Variants in RGS21 observed in about 807,000 individuals in gnomAD.
The protein encoded by RGS21 is regulator of G protein signaling 21, also known as regulator of G-protein signalling 21.
In RGS21, 19 loss-of-function variants were observed where a neutral mutation model predicts 18.7. The observed-to-expected ratio is 1.01, with a 90% CI of 0.71 to 1.49. The LOEUF is 1.49. Ranked by LOEUF, RGS21 falls within the 40% of genes most tolerant of loss-of-function variation. RGS21 has a pLI of 0.00. For missense variants in RGS21, 194 were observed against 176.8 expected (o/e 1.10, Z -0.55); for synonymous variants, 56 against 57.8 (o/e 0.97, Z 0.14).
At chr1:192,343,160 G>T in intron 2 of RGS21, 113 bp downstream of exon 2, 1 of 1,013,378 alleles carries the variant, frequency 9.9e-7, no homozygotes, top group Non-Finnish European at 1.6e-6. Flanking sequence ...TACGCTAATT[G>T]TTGTCTTCCT....
intron 4 of RGS21, among the ~76,000 whole-genome samples, chr1:192,359,214 T>G (rs1425685641): frequency 6.6e-6 from 1 of 152,090 alleles, no homozygotes; most frequent in Non-Finnish European, 1.5e-5. Context: ...CCAAAGGGTA[T>G]CCATACAAAC....
intron 1 of RGS21, among the ~76,000 whole-genome samples, chr1:192,326,643 A>G (rs1658572085): frequency 6.6e-6 from 1 of 152,170 alleles, no homozygotes; most frequent in Non-Finnish European, 1.5e-5. Flanking sequence ...CAGTTTTAGA[A>G]TATGGAAATG....
intron 1 of RGS21, among the ~76,000 whole-genome samples, chr1:192,328,548 G>T (rs1280854214): frequency 1.3e-5 from 2 of 152,048 alleles, no homozygotes; most frequent in Non-Finnish European, 2.9e-5. Context: ...AATCAAAATG[G>T]CAAAGACTTT....
At chr1:192,328,059 T>C (rs1423456255) in intron 1 of RGS21, among the ~76,000 whole-genome samples, 2 of 152,136 alleles carry the variant, frequency 1.3e-5, no homozygotes, top group Non-Finnish European at 2.9e-5. Context: ...TAATTGGCAA[T>C]GTGAACAATA....
intron 1 of RGS21, among the ~76,000 whole-genome samples, chr1:192,321,926 A>AAC (rs1241376725): frequency 6.6e-6 from 1 of 152,090 alleles, no homozygotes; most frequent in Non-Finnish European, 1.5e-5. Context: ...AATTTTCCCC[A>AAC]ACACACACAC....
chr1:192,336,011 T>A (rs1658760890), intron 1 of RGS21, among the ~76,000 whole-genome samples: 1 of 152,248 alleles, frequency 6.6e-6, no homozygotes, highest in Non-Finnish European at 1.5e-5. Flanking sequence ...TTTGTTGTAA[T>A]AGCATCCAGA....
intron 1 of RGS21, among the ~76,000 whole-genome samples, chr1:192,342,762 G>C (rs1207353769): frequency 6.6e-6 from 1 of 151,850 alleles, no homozygotes; most frequent in Admixed American, 6.6e-5. Flanking sequence ...CTTTCAGATG[G>C]AATTTATTTC....
At chr1:192,333,399 A>G (rs1658689929) in intron 1 of RGS21, among the ~76,000 whole-genome samples, 1 of 152,028 alleles carries the variant, frequency 6.6e-6, no homozygotes, top group Admixed American at 6.6e-5. Flanking sequence ...TAGCAGCTCT[A>G]TGTGTCATAG....
chr1:192,358,245 T>C (rs1252166875), intron 4 of RGS21, among the ~76,000 whole-genome samples: 1 of 151,976 alleles, frequency 6.6e-6, no homozygotes, highest in African/African-American at 2.4e-5. Flanking sequence ...TTCTCTCATT[T>C]CTCTTTCCCA....
chr1:192,326,973 G>C (rs759404546), intron 1 of RGS21, among the ~76,000 whole-genome samples: 3 of 152,104 alleles, frequency 2.0e-5, no homozygotes, highest in Non-Finnish European at 4.4e-5. Flanking sequence ...CTGTTTTAGA[G>C]TATTGTCAAG....
At chr1:192,352,810 C>T (rs977100946) in intron 4 of RGS21, among the ~76,000 whole-genome samples, 1 of 151,906 alleles carries the variant, frequency 6.6e-6, no homozygotes, top group Non-Finnish European at 1.5e-5. Context: ...CTGTTAATAG[C>T]GCTCCAAACG....
At chr1:192,330,339 G>A (rs1658628925) in intron 1 of RGS21, among the ~76,000 whole-genome samples, 3 of 152,164 alleles carry the variant, frequency 2.0e-5, no homozygotes, top group African/African-American at 2.4e-5. Context: ...CAATTCCAGA[G>A]GGAGTTTGAA....
rs561277804 is a variant in RGS21 at position 192,331,806 on chromosome 1, C to CT, written c.-60-11170dup. Reference sequence around the variant, plus strand: ...TTTTAAAATTTAGACACAAGGGTCTCTACTTTTGTTAAAAGATTGAAAATG... The same window carrying CT: ...TTTTAAAATTTAGACACAAGGGTCTCTTACTTTTGTTAAAAGATTGAAAATG... On this transcript the variant is annotated intron_variant, in intron 1 of 4. Transcript: ENST00000417209. Among the ~76,000 whole-genome samples, 179 of 151,948 alleles carry CT rather than the reference C, an allele frequency of 1.2e-3. 1 individual carries two copies. In the Middle Eastern group the frequency reaches 0.024, roughly 20 times the overall value.
At chr1:192,334,915 A>C (rs1295217810) in intron 1 of RGS21, among the ~76,000 whole-genome samples, 1 of 152,118 alleles carries the variant, frequency 6.6e-6, no homozygotes, top group Non-Finnish European at 1.5e-5. Flanking sequence ...TGTCATTACA[A>C]AGCTTGAAAG....
intron 1 of RGS21, among the ~76,000 whole-genome samples, chr1:192,338,662 C>G (rs1357904874): frequency 1.3e-5 from 2 of 151,998 alleles, no homozygotes; most frequent in Admixed American, 6.6e-5. Context: ...AGTCTGTGAA[C>G]AGTGTTTTTA....
chr1:192,333,226 T>G (rs1571452019), intron 1 of RGS21, among the ~76,000 whole-genome samples: 1 of 151,322 alleles, frequency 6.6e-6, no homozygotes, highest in East Asian at 1.9e-4. Context: ...GCAGGTAGCA[T>G]ATAAAGTGAT....
intron 1 of RGS21, among the ~76,000 whole-genome samples, chr1:192,336,369 C>T (rs529155585): frequency 1.4e-4 from 21 of 152,278 alleles, no homozygotes; most frequent in Admixed American, 1.2e-3. Flanking sequence ...GCCGGAGAAT[C>T]GCTTGAACCA....
intron 3 of RGS21, among the ~76,000 whole-genome samples, chr1:192,348,637 G>A (rs1407394289): frequency 6.6e-6 from 1 of 151,960 alleles, no homozygotes; most frequent in Non-Finnish European, 1.5e-5. Context: ...AAATATCTTA[G>A]TTAACACAAC....
chr1:192,362,883 CAG>C (rs1659205032), intron 4 of RGS21, among the ~76,000 whole-genome samples: 3 of 152,058 alleles, frequency 2.0e-5, no homozygotes, highest in Non-Finnish European at 2.9e-5. Flanking sequence ...TGAGTTCTTA[CAG>C]TGTGCAAGGC....
Sources: gnomAD v4.1 joint callset for allele counts (sites outside exome capture counted in the v4.1 genomes callset) on GRCh38, gnomAD v4.1.1 for gene constraint, MANE v1.5 for transcripts, NCBI Gene and HGNC (gene_info 2026-07-23, HGNC 2026-07-21) for gene names.